VPS13B: variants seen among roughly 807,000 people sequenced by gnomAD.
The protein encoded by VPS13B is vacuolar protein sorting 13 homolog B.
Under a neutral mutation model 426.4 loss-of-function variants are expected in VPS13B, and 285 were observed. That is an observed-to-expected ratio of 0.67 (90% CI 0.61 to 0.74). VPS13B has a LOEUF of 0.74. VPS13B is among the 30% of genes least tolerant of loss of function. VPS13B has a pLI of 0.00. For synonymous variants in VPS13B, 1,676 were observed against 1,676.4 expected, an observed-to-expected ratio of 1.00 and a Z score of 0.01; for missense variants, 4,537 against 4,782.6, an observed-to-expected ratio of 0.95 and a Z score of 1.51.
At chr8:99,303,730 C>CAAAAAAA (rs58708195) in intron 19 of VPS13B, among the ~76,000 whole-genome samples, 2,581 of 63,656 alleles carry the variant, frequency 0.041, 624 homozygotes, top group African/African-American at 0.1. Flanking sequence ...GACTCCGTCT[C>CAAAAAAA]AAAAAAAAAA....
intron 12 of VPS13B, among the ~76,000 whole-genome samples, chr8:99,137,543 A>AAC (rs1810139806): frequency 6.6e-6 from 1 of 152,246 alleles, no homozygotes; most frequent in East Asian, 1.9e-4. Flanking sequence ...AAAAAAAAAA[A>AAC]AAATGACAAC....
chr8:99,302,673 T>A (rs1820428685), intron 19 of VPS13B, among the ~76,000 whole-genome samples: 1 of 152,130 alleles, frequency 6.6e-6, no homozygotes, highest in South Asian at 2.1e-4. Flanking sequence ...CACACCCAGC[T>A]GATTTTTATA....
At chr8:99,275,058 G>C (rs987992880) in intron 18 of VPS13B, 23 bp from the exon 19 acceptor site, 1 of 1,563,398 alleles carries the variant, frequency 6.4e-7, no homozygotes, top group Admixed American at 1.8e-5. Context: ...TTTTATTATT[G>C]TTTTATAAAT....
chr8:99,745,825 G>T (rs1189442825), intron 39 of VPS13B, among the ~76,000 whole-genome samples: 3 of 151,984 alleles, frequency 2.0e-5, no homozygotes, highest in African/African-American at 7.2e-5. Context: ...TATTTTAAAA[G>T]AAGTCTCAGC....
chr8:99,763,239 GT>G (rs2130603219), intron 39 of VPS13B, among the ~76,000 whole-genome samples: 1 of 148,334 alleles, frequency 6.7e-6, no homozygotes, highest in African/African-American at 2.5e-5. Context: ...CTGATCCAAA[GT>G]TCATACTTTC....
chr8:99,829,844 C>T (rs1814942888), intron 51 of VPS13B, among the ~76,000 whole-genome samples: 1 of 152,236 alleles, frequency 6.6e-6, no homozygotes, highest in South Asian at 2.1e-4. Flanking sequence ...TTCCTTCTAA[C>T]AATCAGGCCC....
At chr8:99,605,581 A>G (rs1827529762) in intron 33 of VPS13B, among the ~76,000 whole-genome samples, 1 of 152,154 alleles carries the variant, frequency 6.6e-6, no homozygotes, top group South Asian at 2.1e-4. Context: ...ACTTCCCATC[A>G]TTCTAGTTTT....
intron 44 of VPS13B, among the ~76,000 whole-genome samples, chr8:99,811,519 C>G (rs1813697630): frequency 6.6e-6 from 1 of 152,112 alleles, no homozygotes; most frequent in South Asian, 2.1e-4. Flanking sequence ...GCATTTCTAA[C>G]AAGTTCCCAG....
chr8:99,342,186 G>T (rs1367645436), intron 19 of VPS13B, among the ~76,000 whole-genome samples: 3 of 152,060 alleles, frequency 2.0e-5, no homozygotes, highest in Admixed American at 2.0e-4. Context: ...ATACAATGTG[G>T]CATGATTAAA....
intron 35 of VPS13B, among the ~76,000 whole-genome samples, chr8:99,675,461 G>A (rs892341620): frequency 2.6e-5 from 4 of 152,046 alleles, no homozygotes; most frequent in Admixed American, 1.3e-4. Context: ...GAAGACCTTT[G>A]AGCTTCTTGT....
At position 99,438,223 on chromosome 8, in the gene VPS13B, C is replaced by A. The variant is rs1817498430; in HGVS notation, c.3211-4178C>A. ...TTGATGAGAGTGTCAGTCAGGGTGT[C>A]TCAAGCAGCATGAGCCAGTTAAGCT... On this transcript the variant is annotated intron_variant, in intron 22 of 61. Coordinates refer to ENST00000357162, the MANE Select transcript of VPS13B (RefSeq NM_152564.5). Among the ~76,000 whole-genome samples, 3 of 151,936 alleles carry A rather than the reference C, an allele frequency of 2.0e-5. No individual in the cohort carries two copies. The South Asian group carries it at 6.2e-4, about 32-fold the overall frequency.
chr8:99,435,405 G>A (rs1817318325), intron 22 of VPS13B, among the ~76,000 whole-genome samples: 1 of 152,074 alleles, frequency 6.6e-6, no homozygotes, highest in Non-Finnish European at 1.5e-5. Context: ...GAACATGAAA[G>A]ATAGTATTGG....
chr8:99,593,909 G>T (rs1336389425), intron 33 of VPS13B, among the ~76,000 whole-genome samples: 1 of 152,016 alleles, frequency 6.6e-6, no homozygotes, highest in Non-Finnish European at 1.5e-5. Flanking sequence ...GTCCATGGGT[G>T]GAGGGGTGAG....
chr8:99,444,146 T>C (rs911014738), intron 23 of VPS13B, among the ~76,000 whole-genome samples: 1 of 152,082 alleles, frequency 6.6e-6, no homozygotes. Context: ...TCGCCTGGGC[T>C]GGAGTACAGT....
chr8:99,134,506 C>T, intron 8 of VPS13B, 126 bp from the exon 9 acceptor site: 2 of 741,578 alleles, frequency 2.7e-6, no homozygotes, highest in Non-Finnish European at 4.4e-6. Context: ...CACCTGCTTT[C>T]CTGCTTAATA....
chr8:99,327,778 T>C lies in VPS13B; in HGVS notation c.2824+52524T>C, dbSNP rs566178689. ...AGCTACTTTGGTTACTCACAATTTG[T>C]ATGATTTCTATCTGTATCTCATAAG... On this transcript the variant is annotated intron_variant, in intron 19 of 61. Transcript: ENST00000357162. 2.0e-5 allele frequency among the ~76,000 whole-genome samples: 3 copies of C among 152,294 alleles called. No individual in the cohort carries two copies. In the South Asian group the frequency reaches 6.2e-4, roughly 32 times the overall value.
At chr8:99,821,554 C>T (rs1422507571) in intron 50 of VPS13B, 72 bp downstream of exon 50, 4 of 1,569,678 alleles carry the variant, frequency 2.5e-6, no homozygotes, top group Non-Finnish European at 3.5e-6. Flanking sequence ...ATGAATCTGC[C>T]TTTTTCTTTT....
chr8:99,247,418 C>T (rs1247266702), intron 17 of VPS13B, among the ~76,000 whole-genome samples: 1 of 152,052 alleles, frequency 6.6e-6, no homozygotes, highest in Non-Finnish European at 1.5e-5. Flanking sequence ...GGAGTTTGGG[C>T]AATGCCTGTG....
At chr8:99,476,297 T>G (rs999601715) in intron 24 of VPS13B, among the ~76,000 whole-genome samples, 1 of 152,154 alleles carries the variant, frequency 6.6e-6, no homozygotes, top group Admixed American at 6.5e-5. Context: ...AACCTAAATT[T>G]TAATGACAAA....
Sources: allele counts gnomAD v4.1 joint callset (sites outside exome capture counted in the v4.1 genomes callset), GRCh38; gene constraint gnomAD v4.1.1; transcripts MANE v1.5; gene names NCBI Gene and HGNC (gene_info 2026-07-23, HGNC 2026-07-21).